FAM135B: variants seen among roughly 807,000 people sequenced by gnomAD.
FAM135B encodes the protein protein FAM135B.
Under a neutral mutation model 127.7 loss-of-function variants are expected in FAM135B, and 43 were observed. The ratio of observed to expected loss-of-function variants is 0.34; its 90% CI spans 0.26 to 0.43. FAM135B has a LOEUF of 0.43. Among genes scored for constraint, FAM135B ranks in the 20% least tolerant of loss-of-function variants. The pLI, the probability that FAM135B is intolerant of heterozygous loss-of-function variation, is 1.00. For synonymous variants in FAM135B, 670 were observed against 665.1 expected (o/e 1.01, Z -0.11); for missense variants, 1,558 against 1,725.6 (o/e 0.90, Z 1.72).
At chr8:138,377,163 T>C (rs1831531310) in intron 1 of FAM135B, among the ~76,000 whole-genome samples, 1 of 152,204 alleles carries the variant, frequency 6.6e-6, no homozygotes, top group Non-Finnish European at 1.5e-5. Flanking sequence ...TCAGAGTATA[T>C]GGTCTTTGAA....
intron 2 of FAM135B, among the ~76,000 whole-genome samples, chr8:138,349,492 A>G (rs552015792): frequency 1.3e-5 from 2 of 152,368 alleles, no homozygotes; most frequent in East Asian, 3.9e-4. Flanking sequence ...AATGTCTAGC[A>G]CAATCCCTAG....
intron 1 of FAM135B, among the ~76,000 whole-genome samples, chr8:138,434,044 C>A (rs1249772497): frequency 6.6e-6 from 1 of 152,202 alleles, no homozygotes; most frequent in Non-Finnish European, 1.5e-5. Context: ...ATTGACATTG[C>A]CCTTGGGATT....
At chr8:138,420,600 C>T (rs1286386934) in intron 1 of FAM135B, among the ~76,000 whole-genome samples, 1 of 151,688 alleles carries the variant, frequency 6.6e-6, no homozygotes, top group Non-Finnish European at 1.5e-5. Flanking sequence ...ATGTAAAACT[C>T]CTACCAAATC....
intron 2 of FAM135B, among the ~76,000 whole-genome samples, chr8:138,346,436 G>C (rs908790631): frequency 1.4e-4 from 22 of 152,204 alleles, no homozygotes; most frequent in African/African-American, 5.1e-4. Flanking sequence ...ATCAATGATA[G>C]ACTGGGTAAA....
chr8:138,344,272 T>C lies in FAM135B; in HGVS notation c.77+23635A>G, dbSNP rs139363259. Among the ~76,000 whole-genome samples the C allele has an allele frequency of 4.0e-3, 615 of 152,320 alleles. 7 individuals are homozygous for C. Among genetic ancestry groups the C allele is most frequent in the African/African-American group, 0.014 (595 of 41,562 alleles). ...GGGTTCAGTCCTGTGGGGCTGCCTG[T>C]AATTCTCAATGGCAAGGTGGCCAAT... On this transcript the variant is annotated intron_variant, in intron 2 of 19. Coordinates refer to ENST00000395297, the MANE Select transcript of FAM135B (RefSeq NM_015912.4).
chr8:138,202,404 C>T (rs1354857594), intron 7 of FAM135B, among the ~76,000 whole-genome samples: 1 of 152,110 alleles, frequency 6.6e-6, no homozygotes. Context: ...CATGCACCAT[C>T]ACACTTGGCT....
In FAM135B at chr8:138,402,928, G is replaced by A. The variant is rs78214505; in HGVS notation, c.-19-34926C>T. ...AGGTGGAAACTCTCAAGGGAGATGA[G>A]TGACCTTACAAGAAGAGACATGAAA... On this transcript the variant is annotated intron_variant, in intron 1 of 19. Coordinates refer to ENST00000395297, the MANE Select transcript of FAM135B (RefSeq NM_015912.4). 1.7e-3 allele frequency among the ~76,000 whole-genome samples: 255 copies of A among 152,266 alleles called. 2 individuals carry two copies. In the East Asian group the frequency reaches 0.043, roughly 25 times the overall value.
intron 1 of FAM135B, among the ~76,000 whole-genome samples, chr8:138,420,758 TAGGC>T (rs1309309592): frequency 6.6e-6 from 1 of 152,068 alleles, no homozygotes; most frequent in Non-Finnish European, 1.5e-5. Flanking sequence ...ATCATCTCAA[TAGGC>T]ACAGAAAAGG....
chr8:138,448,082 C>A (rs1309477810), intron 1 of FAM135B, among the ~76,000 whole-genome samples: 2 of 148,022 alleles, frequency 1.4e-5, no homozygotes, highest in African/African-American at 5.1e-5. Context: ...AGTCATATGG[C>A]ACAGAGCAGA....
intron 1 of FAM135B, among the ~76,000 whole-genome samples, chr8:138,431,458 C>T (rs376659960): frequency 5.9e-5 from 9 of 152,268 alleles, no homozygotes; most frequent in African/African-American, 2.2e-4. Flanking sequence ...CAAACCAGCC[C>T]ATAGGCCTAG....
chr8:138,288,925 T>C (rs989400242), intron 3 of FAM135B, among the ~76,000 whole-genome samples: 1 of 152,198 alleles, frequency 6.6e-6, no homozygotes, highest in African/African-American at 2.4e-5. Context: ...AGGTCTGCAG[T>C]ATACACAGAT....
intron 12 of FAM135B, among the ~76,000 whole-genome samples, chr8:138,155,847 G>T (rs1287550172): frequency 6.6e-6 from 1 of 152,078 alleles, no homozygotes; most frequent in African/African-American, 2.4e-5. Context: ...AATAATAGTG[G>T]GAGATTTTAA....
At chr8:138,319,953 T>A (rs1442353349) in intron 2 of FAM135B, among the ~76,000 whole-genome samples, 2 of 152,080 alleles carry the variant, frequency 1.3e-5, no homozygotes, top group Non-Finnish European at 2.9e-5. Context: ...TAGTGCAATG[T>A]GAGAAAGACG....
chr8:138,366,451 G>T (rs995129964), intron 2 of FAM135B, among the ~76,000 whole-genome samples: 2 of 152,154 alleles, frequency 1.3e-5, no homozygotes, highest in Non-Finnish European at 1.5e-5. Context: ...TCAAATGAGA[G>T]GTGGACCAAT....
At position 138,197,641 on chromosome 8, in the gene FAM135B, C is replaced by A. The variant is rs1816764039; in HGVS notation, c.698G>T (p.Cys233Phe). Residue 233 changes from cysteine to phenylalanine, a missense_variant, in exon 8 of 20, where the codon TGC (cysteine) becomes TTC (phenylalanine). By Grantham distance (205) the Cys-to-Phe change is radical. This residue lies in a region of FAM135B where 127 missense variants were observed against 109.7 expected (regional missense o/e 1.16). Coordinates refer to ENST00000395297, the MANE Select transcript of FAM135B (RefSeq NM_015912.4). The part of the protein sequence containing the change: ...EGSFYITSEN[C>F]MQHAHKWHRD... ...GTGCCACTTGTGTGCGTGCTGCATG[C>A]AGTTCTCAGAGGTGATGTAGAAGCT... The A allele has an allele frequency of 6.2e-7, 1 of 1,614,062 alleles. No individual in the cohort carries two copies. Among genetic ancestry groups the A allele is most frequent in the African/African-American group, 1.3e-5 (1 of 74,940 alleles).
At chr8:138,179,218 C>T (rs921442329) in intron 9 of FAM135B, among the ~76,000 whole-genome samples, 3 of 152,162 alleles carry the variant, frequency 2.0e-5, no homozygotes, top group African/African-American at 7.2e-5. Context: ...ACAGTTGCCC[C>T]AGCTGGAAAC....
intron 6 of FAM135B, among the ~76,000 whole-genome samples, chr8:138,247,649 G>A (rs992623798): frequency 7.9e-5 from 12 of 152,148 alleles, no homozygotes; most frequent in Non-Finnish European, 1.5e-4. Flanking sequence ...CTTGCTCTCT[G>A]CCCTTTCGGT....
chr8:138,261,164 A>T (rs1056378247), intron 4 of FAM135B, among the ~76,000 whole-genome samples: 3 of 151,920 alleles, frequency 2.0e-5, no homozygotes, highest in Non-Finnish European at 4.4e-5. Context: ...AAAGAAAAAG[A>T]AAAAAACAAG....
At chr8:138,300,784 C>T (rs1312222977) in intron 3 of FAM135B, among the ~76,000 whole-genome samples, 5 of 139,736 alleles carry the variant, frequency 3.6e-5, no homozygotes, top group African/African-American at 1.3e-4. Context: ...CTGAGTCTCG[C>T]TCTGTTGCCA....
Sources: gnomAD v4.1 joint callset for allele counts (sites outside exome capture counted in the v4.1 genomes callset) on GRCh38, gnomAD v4.1.1 for gene constraint, gnomAD v4.1.1 regional missense constraint, MANE v1.5 for transcripts, NCBI Gene and HGNC (gene_info 2026-07-23, HGNC 2026-07-21) for gene names.